ZFYVE16: variants seen among roughly 807,000 people sequenced by gnomAD.
The protein encoded by ZFYVE16 is zinc finger FYVE-type containing 16, also known as zinc finger FYVE domain-containing protein 16.
Under a neutral mutation model 138.1 loss-of-function variants are expected in ZFYVE16, and 89 were observed. That is an observed-to-expected ratio of 0.64 (90% confidence interval 0.54 to 0.77). ZFYVE16 has a LOEUF of 0.77. ZFYVE16 is among the 30% of genes least tolerant of loss of function. The pLI, the probability that ZFYVE16 is intolerant of heterozygous loss-of-function variation, is 0.00. For synonymous variants in ZFYVE16, 596 were observed against 618.3 expected, an observed-to-expected ratio of 0.96 and a Z score of 0.53; for missense variants, 1,793 against 1,786.7, an observed-to-expected ratio of 1.00 and a Z score of -0.06.
At chr5:80,417,835 A>T (rs545312250) in intron 1 of ZFYVE16, among the ~76,000 whole-genome samples, 21 of 152,252 alleles carry the variant, frequency 1.4e-4, no homozygotes, top group Admixed American at 1.3e-4. Context: ...ATGAGTAAAT[A>T]CCTAGTAGCA....
Position 80,481,566 on chromosome 5 carries a change from G to T in ZFYVE16, c.*4189G>T, listed in dbSNP as rs1580396570. ...GGAACCACAGCCACCAAAAAAAGTGGCCAGGATGTGTGCTCTGAAACTTAA... is the reference window on the plus strand; with the variant it reads ...GGAACCACAGCCACCAAAAAAAGTGTCCAGGATGTGTGCTCTGAAACTTAA... On this transcript the variant is annotated 3_prime_UTR_variant, in exon 19 of 19. Coordinates refer to ENST00000505560, the MANE Select transcript of ZFYVE16 (RefSeq NM_001284236.3). Among the ~76,000 whole-genome samples the T allele has an allele frequency of 6.6e-6, 1 of 151,748 alleles. No homozygotes were observed. Among genetic ancestry groups the T allele is most frequent in the South Asian group, 2.1e-4 (1 of 4,820 alleles).
intron 12 of ZFYVE16, 121 bp downstream of exon 12, chr5:80,455,895 C>A (rs1197545379): frequency 2.6e-5 from 22 of 840,444 alleles, no homozygotes; most frequent in Non-Finnish European, 3.7e-5. Context: ...AATGACCATT[C>A]ATTTACAATA....
rs959174225 is a variant in ZFYVE16 at position 80,411,294 on chromosome 5, TA to T, written c.-94+3150del. Among the ~76,000 whole-genome samples the T allele has an allele frequency of 4.6e-5, 7 of 150,912 alleles. No individual in the cohort carries two copies. In the East Asian group the frequency reaches 5.8e-4, roughly 12 times the overall value. On this transcript the variant is annotated intron_variant, in intron 1 of 18. Transcript: ENST00000505560. Reference sequence around the variant, plus strand: ...ACCACGCTGGCCAAGTATATGCTTATAAAAAAAAAGTAAAATAGTATGAAGA... The same window carrying T: ...ACCACGCTGGCCAAGTATATGCTTATAAAAAAAAGTAAAATAGTATGAAGA...
intron 1 of ZFYVE16, among the ~76,000 whole-genome samples, chr5:80,415,093 C>T (rs1405850304): frequency 6.6e-6 from 1 of 152,154 alleles, no homozygotes; most frequent in Non-Finnish European, 1.5e-5. Flanking sequence ...GATTGATTCT[C>T]TAATTTCTAA....
In ZFYVE16 at chr5:80,438,182, T is replaced by A. The variant is rs781567246; in HGVS notation, c.1497T>A (p.Phe499Leu). ...AGTCTTCTGATTGTTGTGAAGGTTT[T>A]ATTAATACTTTTTCAAGCAATGATA... The part of the protein sequence containing the change: ...VPESSDCCEG[F>L]INTFSSNDMD... Residue 499 changes from phenylalanine to leucine, a missense_variant, in exon 4 of 19, where the codon TTT becomes TTA. Phe to Leu is a conservative substitution (Grantham distance 22). This residue lies in a region of ZFYVE16 where 1,295 missense variants were observed against 1,204.3 expected (regional missense o/e 1.08). Transcript: ENST00000505560. The A allele has an allele frequency of 1.9e-6, 3 of 1,613,992 alleles. No individual in the cohort carries two copies. In the South Asian group the frequency reaches 3.3e-5, roughly 18 times the overall value.
chr5:80,470,972 G>A (rs529501603), intron 15 of ZFYVE16, among the ~76,000 whole-genome samples: 129 of 152,228 alleles, frequency 8.5e-4, no homozygotes, highest in African/African-American at 2.8e-3. Flanking sequence ...ACCAGAATGA[G>A]CCAACAGCAC....
chr5:80,453,111 A>G (rs964842224), intron 11 of ZFYVE16, among the ~76,000 whole-genome samples: 1 of 152,332 alleles, frequency 6.6e-6, no homozygotes, highest in African/African-American at 2.4e-5. Flanking sequence ...GGTGATTACT[A>G]TTTCAGAATA....
chr5:80,429,518 C>T lies in ZFYVE16; in HGVS notation c.-40+1973C>T, dbSNP rs894392712. 1.5e-4 allele frequency among the ~76,000 whole-genome samples: 23 copies of T among 152,278 alleles called. 1 individual carries two copies. Among genetic ancestry groups the T allele is most frequent in the African/African-American group, 4.8e-4 (20 of 41,546 alleles). ...AAACATGCCAAATTGTAAAGACCATCGATGCTAGGAAGTAACTGCATCAAC... is the reference window on the plus strand; with the variant it reads ...AAACATGCCAAATTGTAAAGACCATTGATGCTAGGAAGTAACTGCATCAAC... On this transcript the variant is annotated intron_variant, in intron 2 of 18. Transcript: ENST00000505560.
At chr5:80,461,678 A>C (rs1251882769) in intron 15 of ZFYVE16, among the ~76,000 whole-genome samples, 1 of 152,020 alleles carries the variant, frequency 6.6e-6, no homozygotes. Context: ...TTCTTCTTCT[A>C]AGAACACCAG....
At chr5:80,444,722 C>A (rs1751107425) in intron 6 of ZFYVE16, among the ~76,000 whole-genome samples, 1 of 151,244 alleles carries the variant, frequency 6.6e-6, no homozygotes, top group African/African-American at 2.4e-5. Context: ...GATCCTGTTA[C>A]CTTTTTTTAG....
At chr5:80,428,318 C>T (rs1424200106) in intron 2 of ZFYVE16, among the ~76,000 whole-genome samples, 2 of 152,202 alleles carry the variant, frequency 1.3e-5, no homozygotes, top group African/African-American at 4.8e-5. Flanking sequence ...TGTTCTGCAG[C>T]CTCCGCTGCT....
chr5:80,436,854 C>T lies in ZFYVE16; in HGVS notation c.169C>T (p.Pro57Ser). Residue 57 changes from proline (P) to serine (S), a missense_variant, in exon 4 of 19, where the codon CCA becomes TCA. Around this residue, in one of 2 missense-constraint regions of ZFYVE16, gnomAD observed 1,295 missense variants for 1,204.3 expected, o/e 1.08. Transcript: ENST00000505560. ...LASSQRTSLL[P>S]KDQECVNSCA... ...TTCCTCACAGCGAACTTCATTGCTC[C>T]CAAAAGACCAAGAGTGCGTTAATAG... 1 of 1,614,048 alleles carries T rather than the reference C, an allele frequency of 6.2e-7. No homozygotes were observed. Among genetic ancestry groups the T allele is most frequent in the Non-Finnish European group, 8.5e-7 (1 of 1,180,002 alleles).
rs1750092319 is a variant in ZFYVE16, at chr5:80,437,449, T to C, written c.764T>C (p.Met255Thr). The C allele has an allele frequency of 5.6e-6, 9 of 1,601,988 alleles. No homozygotes were observed. Among genetic ancestry groups the C allele is most frequent in the African/African-American group, 4.0e-5 (3 of 74,310 alleles). The stretch of plus-strand genomic sequence containing the variant: ...GCTTTGACTCGACAAAGTTCCAAAA[T>C]GTTTCATGCCAAAGACAAGCTACAA... ...SSALTRQSSK[M>T]FHAKDKLQHK... The change falls in exon 4 of 19, where the codon ATG (methionine) becomes ACG (threonine). Residue 255 changes from methionine to threonine, a missense_variant. This residue lies in a region of ZFYVE16 where 1,295 missense variants were observed against 1,204.3 expected (regional missense o/e 1.08). Transcript: ENST00000505560.
chr5:80,452,730 A>C (rs1241236247), intron 11 of ZFYVE16, among the ~76,000 whole-genome samples: 3 of 152,122 alleles, frequency 2.0e-5, no homozygotes, highest in Admixed American at 6.5e-5. Context: ...AGTACTTAAA[A>C]ATTGTGGTTA....
chr5:80,443,302 T>C lies in ZFYVE16; in HGVS notation c.2581+18T>C. On this transcript the variant is annotated intron_variant, in intron 6 of 18. Transcript: ENST00000505560. ...TGTTGAAGGTAATAGAAGAAAACTGTGTCTTAGACTAAAGATAAATTATTG... is the reference window on the plus strand; with the variant it reads ...TGTTGAAGGTAATAGAAGAAAACTGCGTCTTAGACTAAAGATAAATTATTG... 6.3e-7 allele frequency: 1 copy of C among 1,591,050 alleles called. No homozygotes were observed. The highest frequency in any genetic ancestry group is 1.2e-5 in the South Asian group (1 of 86,144).
At chr5:80,427,071 A>G (rs1748189080) in intron 1 of ZFYVE16, among the ~76,000 whole-genome samples, 1 of 151,064 alleles carries the variant, frequency 6.6e-6, no homozygotes. Context: ...TTTCTGGAGA[A>G]TGGGGTCTCG....
intron 3 of ZFYVE16, chr5:80,435,863 C>T (rs1749833154): frequency 4.7e-6 from 1 of 214,396 alleles, no homozygotes; most frequent in Admixed American, 5.9e-5. Context: ...TTGTAAGCCA[C>T]CATTCCTGGC....
At chr5:80,408,270 T>G (rs1004604792) in intron 1 of ZFYVE16, 117 bp downstream of exon 1, 1 of 152,372 alleles carries the variant, frequency 6.6e-6, no homozygotes, top group Non-Finnish European at 1.5e-5. Flanking sequence ...CCTCTTCCTC[T>G]GGGGACAGAG....
chr5:80,426,290 ATAT>A (rs879535620), intron 1 of ZFYVE16, among the ~76,000 whole-genome samples: 1,803 of 55,188 alleles, frequency 0.033, 15 homozygotes, highest in East Asian at 0.19. Flanking sequence ...ATATATATAT[ATAT>A]AATTAAATTT....
Sources: allele counts gnomAD v4.1 joint callset (sites outside exome capture counted in the v4.1 genomes callset), GRCh38; gene constraint gnomAD v4.1.1; regional missense constraint gnomAD v4.1.1; transcripts MANE v1.5; gene names NCBI Gene and HGNC (gene_info 2026-07-23, HGNC 2026-07-21).